HACE1: variants seen among roughly 807,000 people sequenced by gnomAD.
HACE1 encodes the protein HECT domain and ankyrin repeat containing E3 ubiquitin protein ligase 1.
HACE1 carries 73 observed loss-of-function variants against 118.4 expected under a neutral mutation model. The observed-to-expected ratio is 0.62, with a 90% CI of 0.51 to 0.75. The LOEUF (loss-of-function observed/expected upper bound fraction) is 0.75, where lower values mean the gene tolerates loss of function less well. HACE1 is among the 30% of genes least tolerant of loss of function. The probability of loss-of-function intolerance (pLI) is 0.00; values close to 1 mark genes in which losing one functional copy is unlikely to be tolerated. For synonymous variants in HACE1, 368 were observed against 374.8 expected (o/e 0.98, Z 0.21); for missense variants, 749 against 1,102.2 (o/e 0.68, Z 4.54).
intron 22 of HACE1, among the ~76,000 whole-genome samples, chr6:104,736,735 T>G (rs989049234): frequency 2.0e-5 from 3 of 152,172 alleles, no homozygotes; most frequent in African/African-American, 7.2e-5. Context: ...TACTGCTTAC[T>G]TGGCAGTAAC....
chr6:104,790,887 T>C (rs955593996), intron 11 of HACE1, among the ~76,000 whole-genome samples: 1 of 151,406 alleles, frequency 6.6e-6, no homozygotes, highest in African/African-American at 2.4e-5. Context: ...TTTTGTTTAC[T>C]TCATAAAATT....
Position 104,743,402 on chromosome 6 carries a change from A to G in HACE1, c.2513+758T>C, listed in dbSNP as rs180749532. On this transcript the variant is annotated intron_variant, in intron 22 of 23. Coordinates refer to ENST00000262903, the MANE Select transcript of HACE1 (RefSeq NM_020771.4). ...ATGCAGAAAAAACATAGAAGAAAAT[A>G]TATTAAATTGTTTATAGTGGTTATG... Among the ~76,000 whole-genome samples the G allele has an allele frequency of 7.3e-4, 111 of 152,072 alleles. 1 individual carries two copies. The highest frequency in any genetic ancestry group is 2.2e-3 in the Admixed American group (34 of 15,278).
chr6:104,800,865 C>T (rs1770253293), intron 7 of HACE1, among the ~76,000 whole-genome samples: 1 of 152,162 alleles, frequency 6.6e-6, no homozygotes, highest in Non-Finnish European at 1.5e-5. Flanking sequence ...TGGAGAATGA[C>T]TTTGACGAGT....
At chr6:104,771,081 G>A in intron 19 of HACE1, 112 bp downstream of exon 19, 2 of 751,724 alleles carry the variant, frequency 2.7e-6, no homozygotes, top group Admixed American at 2.0e-5. Flanking sequence ...TATCTGCTAT[G>A]ATACTGTAAT....
intron 6 of HACE1, among the ~76,000 whole-genome samples, chr6:104,820,982 T>C (rs983532179): frequency 1.3e-5 from 2 of 152,292 alleles, no homozygotes; most frequent in East Asian, 3.9e-4. Context: ...ATGAGGTACA[T>C]ATACACCACG....
chr6:104,746,506 C>T (rs926435365), intron 20 of HACE1, among the ~76,000 whole-genome samples: 1 of 152,228 alleles, frequency 6.6e-6, no homozygotes, highest in Non-Finnish European at 1.5e-5. Context: ...TGCTCCCCCA[C>T]TGCTTCAGCA....
At chr6:104,836,658 A>C (rs548119697) in intron 5 of HACE1, among the ~76,000 whole-genome samples, 1 of 152,324 alleles carries the variant, frequency 6.6e-6, no homozygotes, top group South Asian at 2.1e-4. Context: ...GGTTGCAGTG[A>C]GCTGAGATTG....
At chr6:104,803,003 C>A (rs564353020) in intron 7 of HACE1, among the ~76,000 whole-genome samples, 13 of 152,026 alleles carry the variant, frequency 8.6e-5, no homozygotes. Flanking sequence ...AAGAATCAAA[C>A]AGACACAATA....
At chr6:104,747,084 A>C (rs1268904179) in intron 20 of HACE1, among the ~76,000 whole-genome samples, 1 of 152,226 alleles carries the variant, frequency 6.6e-6, no homozygotes, top group Non-Finnish European at 1.5e-5. Flanking sequence ...TGAGAATTCC[A>C]GAATAAAATG....
intron 1 of HACE1, 47 bp downstream of exon 1, chr6:104,859,520 G>A (rs2114437944): frequency 7.2e-7 from 1 of 1,397,318 alleles, no homozygotes; most frequent in Non-Finnish European, 9.5e-7. Flanking sequence ...CTGCCCCACT[G>A]GCCGCCCCCA....
chr6:104,730,729 G>A, intron 22 of HACE1: 1 of 324,578 alleles, frequency 3.1e-6, no homozygotes, highest in East Asian at 7.2e-5. Flanking sequence ...CTATTGAAGT[G>A]GGGCTGATTT....
intron 6 of HACE1, among the ~76,000 whole-genome samples, chr6:104,823,188 C>T (rs184506427): frequency 7.2e-5 from 11 of 152,228 alleles, no homozygotes; most frequent in Non-Finnish European, 1.3e-4. Context: ...CCTGCAATCC[C>T]AGCACTCTGG....
At chr6:104,832,026 GGAA>G (rs1418456159) in intron 6 of HACE1, among the ~76,000 whole-genome samples, 3 of 142,364 alleles carry the variant, frequency 2.1e-5, no homozygotes, top group Admixed American at 1.4e-4. Context: ...AAGGAAGGAA[GGAA>G]GGAGAAAGAA....
Position 104,859,739 on chromosome 6 carries a change from G to A in HACE1, c.-97C>T, listed in dbSNP as rs566163831. 5 of 1,141,076 alleles carry A rather than the reference G, an allele frequency of 4.4e-6. No individual in the cohort carries two copies. In the African/African-American group the frequency reaches 4.8e-5, roughly 11 times the overall value. The allele number at this position is 1,141,076 out of a possible 1,614,324, so 70.7% of individuals were successfully genotyped here. ...TCTCGCCTGGGCCCGTCCAGCAGGC[G>A]GAGACGCGGGCTTGCCCCGGCTAGA... On this transcript the variant is annotated 5_prime_UTR_variant, in exon 1 of 24. Coordinates refer to ENST00000262903, the MANE Select transcript of HACE1 (RefSeq NM_020771.4).
intron 22 of HACE1, chr6:104,730,722 T>C (rs753949125): frequency 1.2e-5 from 4 of 342,520 alleles, no homozygotes; most frequent in East Asian, 6.8e-5. Flanking sequence ...TGGCTCTCTA[T>C]TGAAGTGGGG....
Position 104,785,235 on chromosome 6 carries a change from C to T in HACE1, c.1159G>A (p.Glu387Lys), listed in dbSNP as rs1158525076. 1 of 1,612,162 alleles carries T rather than the reference C, an allele frequency of 6.2e-7. No homozygotes were observed. The highest frequency in any genetic ancestry group is 8.5e-7 in the Non-Finnish European group (1 of 1,178,392). ...ELMKNKRDST[E>K]ITSILLKQKG... ...TGTTTCAGTAAAATAGAAGTGATCT[C>T]TGTTGAGTCTCTTTTGTTTTTCATC... Residue 387 changes from glutamate to lysine, a missense_variant, in exon 12 of 24, where the codon GAG becomes AAG. Glu to Lys is a moderately conservative substitution (Grantham distance 56, BLOSUM62 1). Transcript: ENST00000262903.
intron 7 of HACE1, among the ~76,000 whole-genome samples, chr6:104,800,857 G>C (rs1562400472): frequency 6.6e-6 from 1 of 152,200 alleles, no homozygotes; most frequent in Non-Finnish European, 1.5e-5. Context: ...AAGTTGGATG[G>C]AGAATGACTT....
chr6:104,831,501 C>A (rs1384634442), intron 6 of HACE1, among the ~76,000 whole-genome samples: 8 of 151,862 alleles, frequency 5.3e-5, no homozygotes, highest in African/African-American at 1.7e-4. Context: ...ACAAGGATCA[C>A]TTAAACCTGG....
At chr6:104,764,882 T>C (rs1289385160) in intron 19 of HACE1, among the ~76,000 whole-genome samples, 1 of 152,242 alleles carries the variant, frequency 6.6e-6, no homozygotes, top group African/African-American at 2.4e-5. Flanking sequence ...CTGAACATAG[T>C]TGCAGGCCAG....
Sources: gnomAD v4.1 joint callset for allele counts (sites outside exome capture counted in the v4.1 genomes callset) on GRCh38, gnomAD v4.1.1 for gene constraint, MANE v1.5 for transcripts, NCBI Gene and HGNC (gene_info 2026-07-23, HGNC 2026-07-21) for gene names.